Variants in ADAMTS19 observed in about 807,000 individuals in gnomAD.
The protein encoded by ADAMTS19 is ADAM metallopeptidase with thrombospondin type 1 motif 19.
A neutral mutation model predicts 153.3 loss-of-function variants in ADAMTS19; 93 were observed. The ratio of observed to expected loss-of-function variants is 0.61; its 90% CI spans 0.51 to 0.72. ADAMTS19 has a LOEUF of 0.72. ADAMTS19 is among the 30% of genes least tolerant of loss of function. The pLI, the probability that ADAMTS19 is intolerant of heterozygous loss-of-function variation, is 0.00. For synonymous variants in ADAMTS19, 600 were observed against 556.6 expected (o/e 1.08, Z -1.10); for missense variants, 1,482 against 1,552.1 (o/e 0.95, Z 0.76).
At chr5:129,541,428 A>G (rs948035666) in intron 6 of ADAMTS19, among the ~76,000 whole-genome samples, 3 of 151,968 alleles carry the variant, frequency 2.0e-5, no homozygotes, top group Non-Finnish European at 4.4e-5. Flanking sequence ...CTACATCTGA[A>G]TATACTTTAT....
intron 16 of ADAMTS19, among the ~76,000 whole-genome samples, chr5:129,669,899 C>T (rs1754226872): frequency 6.6e-6 from 1 of 151,680 alleles, no homozygotes; most frequent in Non-Finnish European, 1.5e-5. Flanking sequence ...TTTTTGATTT[C>T]TAACCTCATC....
intron 2 of ADAMTS19, among the ~76,000 whole-genome samples, chr5:129,476,935 T>C (rs1019597671): frequency 6.6e-6 from 1 of 152,100 alleles, no homozygotes; most frequent in African/African-American, 2.4e-5. Flanking sequence ...GAAGTGAACA[T>C]TTATAAAGTT....
At chr5:129,533,979 G>T (rs1270893432) in intron 6 of ADAMTS19, among the ~76,000 whole-genome samples, 1 of 152,058 alleles carries the variant, frequency 6.6e-6, no homozygotes, top group Non-Finnish European at 1.5e-5. Flanking sequence ...TATAATTTCT[G>T]TTCTTTTATA....
chr5:129,672,940 T>C (rs778154067), intron 16 of ADAMTS19, among the ~76,000 whole-genome samples: 1 of 152,126 alleles, frequency 6.6e-6, no homozygotes, highest in Admixed American at 6.5e-5. Flanking sequence ...CTGTTATCTT[T>C]AAGAAATTAA....
intron 7 of ADAMTS19, among the ~76,000 whole-genome samples, chr5:129,563,039 T>G (rs1365669392): frequency 6.6e-6 from 1 of 152,166 alleles, no homozygotes; most frequent in Non-Finnish European, 1.5e-5. Context: ...CTAAAACATA[T>G]TTAAATAGCC....
intron 3 of ADAMTS19, among the ~76,000 whole-genome samples, chr5:129,513,798 A>C (rs146471831): frequency 4.1e-4 from 63 of 152,182 alleles, no homozygotes; most frequent in African/African-American, 1.5e-3. Flanking sequence ...AATCTAATTA[A>C]ATTATTTAAG....
intron 10 of ADAMTS19, among the ~76,000 whole-genome samples, chr5:129,637,038 CT>C (rs1262721810): frequency 6.8e-6 from 1 of 147,780 alleles, no homozygotes; most frequent in Non-Finnish European, 1.5e-5. Context: ...TTTTTTTTCT[CT>C]TTTTTGCCTC....
chr5:129,569,448 T>C (rs910130462), intron 7 of ADAMTS19, among the ~76,000 whole-genome samples: 5 of 152,068 alleles, frequency 3.3e-5, no homozygotes, highest in African/African-American at 4.8e-5. Flanking sequence ...AACAGTGATA[T>C]AGAAAAATTG....
chr5:129,645,080 A>G (rs1581179922), intron 11 of ADAMTS19, among the ~76,000 whole-genome samples: 1 of 152,132 alleles, frequency 6.6e-6, no homozygotes, highest in East Asian at 1.9e-4. Context: ...CTTCCTATAC[A>G]TGTCCACATA....
At chr5:129,576,326 G>T (rs963649064) in intron 7 of ADAMTS19, among the ~76,000 whole-genome samples, 1 of 151,792 alleles carries the variant, frequency 6.6e-6, no homozygotes, top group South Asian at 2.1e-4. Flanking sequence ...TTATATAAAA[G>T]CTTGCCAAAG....
At chr5:129,580,811 G>C (rs1452861482) in intron 7 of ADAMTS19, among the ~76,000 whole-genome samples, 2 of 152,160 alleles carry the variant, frequency 1.3e-5, no homozygotes, top group South Asian at 2.1e-4. Flanking sequence ...TAAGCTTTTT[G>C]ATGTGCTGCT....
intron 21 of ADAMTS19, among the ~76,000 whole-genome samples, chr5:129,729,007 C>T (rs1432572399): frequency 6.6e-6 from 1 of 152,192 alleles, no homozygotes; most frequent in East Asian, 1.9e-4. Flanking sequence ...AGAGTCTTTA[C>T]TCTTAGGTAG....
At chr5:129,719,034 C>T (rs1319818991) in intron 21 of ADAMTS19, among the ~76,000 whole-genome samples, 3 of 151,978 alleles carry the variant, frequency 2.0e-5, no homozygotes, top group Admixed American at 2.0e-4. Context: ...TCTGTGCTGG[C>T]CAAGTGTGAG....
intron 15 of ADAMTS19, among the ~76,000 whole-genome samples, chr5:129,662,142 T>C (rs1429716525): frequency 6.6e-6 from 1 of 152,260 alleles, no homozygotes; most frequent in Non-Finnish European, 1.5e-5. Flanking sequence ...TAATAATGAT[T>C]AGCACATAGC....
intron 19 of ADAMTS19, among the ~76,000 whole-genome samples, chr5:129,700,228 C>T (rs955821253): frequency 2.0e-5 from 3 of 152,118 alleles, no homozygotes; most frequent in South Asian, 2.1e-4. Context: ...TATTAAAATA[C>T]GTATGTATTA....
chr5:129,501,672 A>C (rs1402266019), intron 2 of ADAMTS19, among the ~76,000 whole-genome samples: 1 of 152,094 alleles, frequency 6.6e-6, no homozygotes, highest in Non-Finnish European at 1.5e-5. Context: ...TGATCTTAGG[A>C]GATAATAAAT....
intron 8 of ADAMTS19, among the ~76,000 whole-genome samples, chr5:129,618,763 T>C (rs1284604664): frequency 2.0e-5 from 3 of 152,002 alleles, no homozygotes; most frequent in African/African-American, 4.8e-5. Flanking sequence ...GAAAAGAGAA[T>C]AATGGACTAT....
chr5:129,569,583 C>A (rs1753827280), intron 7 of ADAMTS19, among the ~76,000 whole-genome samples: 1 of 152,012 alleles, frequency 6.6e-6, no homozygotes, highest in Non-Finnish European at 1.5e-5. Context: ...TAAAGCAAAC[C>A]TTTACCAATT....
chr5:129,675,846 T>C (rs953862422), intron 16 of ADAMTS19, among the ~76,000 whole-genome samples: 3 of 152,164 alleles, frequency 2.0e-5, no homozygotes, highest in South Asian at 2.1e-4. Flanking sequence ...CTGACCAACA[T>C]GGTAATACCT....
Sources: gnomAD v4.1 joint callset for allele counts (sites outside exome capture counted in the v4.1 genomes callset) on GRCh38, gnomAD v4.1.1 for gene constraint, MANE v1.5 for transcripts, NCBI Gene and HGNC (gene_info 2026-07-23, HGNC 2026-07-21) for gene names.